SEL1L3: variants seen among roughly 807,000 people sequenced by gnomAD.
The protein encoded by SEL1L3 is SEL1L family member 3.
In SEL1L3, 76 loss-of-function variants were observed where a neutral mutation model predicts 142.8. The observed-to-expected ratio is 0.53, with a 90% CI of 0.44 to 0.64. The LOEUF is 0.64. SEL1L3 is among the 30% of genes least tolerant of loss of function. The pLI, the probability that SEL1L3 is intolerant of heterozygous loss-of-function variation, is 0.00. For missense variants in SEL1L3, 1,262 were observed against 1,381.7 expected (o/e 0.91, Z 1.37); for synonymous variants, 504 against 519.6 (o/e 0.97, Z 0.41).
chr4:25,782,566 A>C, intron 14 of SEL1L3, 148 bp from the exon 15 acceptor site: 1 of 701,740 alleles, frequency 1.4e-6, no homozygotes, highest in South Asian at 2.0e-5. Flanking sequence ...AAGAAAAGCT[A>C]AGTGCTAGAA....
chr4:25,761,329 T>C (rs1360532650), intron 20 of SEL1L3, among the ~76,000 whole-genome samples: 1 of 152,164 alleles, frequency 6.6e-6, no homozygotes, highest in Non-Finnish European at 1.5e-5. Flanking sequence ...CTAATTTTTG[T>C]ATTTTCAGTA....
intron 6 of SEL1L3, among the ~76,000 whole-genome samples, chr4:25,823,879 G>T (rs954005394): frequency 6.6e-6 from 1 of 152,142 alleles, no homozygotes; most frequent in African/African-American, 2.4e-5. Flanking sequence ...ACGAGGGATG[G>T]ACTGTCTGTT....
At position 25,788,830 on chromosome 4, in the gene SEL1L3, G is replaced by A. The variant is rs1712060484; in HGVS notation, c.2077-466C>T. On this transcript the variant is annotated intron_variant, in intron 12 of 23. Transcript: ENST00000399878. This position sits in a 1 kb window ranked among gnomAD's most constrained non-coding sequence, Gnocchi z 5.3. ...CATGGCTGGCTCCAACATCAGACTG[G>A]AGGCTGGAAGCTCTTGGGAGGGAGG... Among the ~76,000 whole-genome samples the A allele has an allele frequency of 6.6e-6, 1 of 152,086 alleles. No individual in the cohort carries two copies. The highest frequency in any genetic ancestry group is 1.5e-5 in the Non-Finnish European group (1 of 68,024).
the SEL1L3 span, chr4:25,719,953 T>C: frequency 6.6e-6 from 1 of 152,200 alleles, no homozygotes; most frequent in Non-Finnish European, 1.5e-5. Flanking sequence ...ATAGGGATAT[T>C]AGGTGTGATT....
intron 13 of SEL1L3, among the ~76,000 whole-genome samples, chr4:25,786,189 T>C (rs552176876): frequency 2.0e-5 from 3 of 152,132 alleles, no homozygotes; most frequent in Non-Finnish European, 4.4e-5. Context: ...ACAGCTGCCA[T>C]CTTGGTACCA....
intron 14 of SEL1L3, among the ~76,000 whole-genome samples, chr4:25,783,779 TTAA>T (rs1711584705): frequency 6.6e-6 from 1 of 152,108 alleles, no homozygotes; most frequent in Admixed American, 6.5e-5. Context: ...AGCAATAAAC[TTAA>T]TAAACAGCCC....
At chr4:25,843,320 G>A (rs1716291292) in intron 2 of SEL1L3, among the ~76,000 whole-genome samples, 1 of 152,162 alleles carries the variant, frequency 6.6e-6, no homozygotes, top group Non-Finnish European at 1.5e-5. Context: ...GTGGCCACTT[G>A]CAGGCAGTGC....
intron 19 of SEL1L3, 49 bp from the exon 20 acceptor site, chr4:25,765,484 C>A: frequency 4.9e-6 from 6 of 1,222,116 alleles, no homozygotes; most frequent in Non-Finnish European, 7.3e-6. Context: ...TTTTTTTATA[C>A]CAACATTTTA....
At chr4:25,784,149 C>A in intron 14 of SEL1L3, 79 bp downstream of exon 14, 2 of 1,220,558 alleles carry the variant, frequency 1.6e-6, no homozygotes, top group Non-Finnish European at 2.4e-6. Flanking sequence ...AGAGGCTGGC[C>A]ATTTCCTCTT....
intron 6 of SEL1L3, among the ~76,000 whole-genome samples, chr4:25,825,510 C>T (rs142086992): frequency 9.2e-5 from 14 of 152,144 alleles, no homozygotes; most frequent in Admixed American, 3.3e-4. Flanking sequence ...AAAGAATCAC[C>T]GACGTTGTGA....
chr4:25,715,065 T>C, the SEL1L3 span, among the ~76,000 whole-genome samples: 2 of 152,244 alleles, frequency 1.3e-5, no homozygotes, highest in East Asian at 3.9e-4. Flanking sequence ...AGAAAGAACA[T>C]TTTCAAATCA....
chr4:25,761,231 G>A (rs1718354265), intron 20 of SEL1L3, among the ~76,000 whole-genome samples: 1 of 149,440 alleles, frequency 6.7e-6, no homozygotes, highest in South Asian at 2.1e-4. Context: ...TCTCGGCTCA[G>A]TGCATCGTCC....
chr4:25,776,109 A>G (rs1011270547), intron 17 of SEL1L3, among the ~76,000 whole-genome samples, 168 bp downstream of exon 17: 1 of 152,172 alleles, frequency 6.6e-6, no homozygotes, highest in Admixed American at 6.5e-5. Context: ...TGGAAATGCT[A>G]TGTTTTCCAA....
At chr4:25,856,593 T>TAAAAAAAA (rs397765802) in intron 1 of SEL1L3, among the ~76,000 whole-genome samples, 3 of 117,120 alleles carry the variant, frequency 2.6e-5, no homozygotes, top group Non-Finnish European at 3.8e-5. Context: ...GTATTGTAAT[T>TAAAAAAAA]AAAAAAAAAA....
In SEL1L3 at chr4:25,776,349, T is replaced by G. The variant is rs374434018; in HGVS notation, c.2597A>C (p.His866Pro). ...DPEKAVVWAK[H>P]VAEKNGYLGH... ...CAAGTAGCCATTTTTCTCAGCTACA[T>G]GTTTTGCCCATCTGAAAAAAAAAAG... Residue 866 changes from histidine (H) to proline (P), a missense_variant, in exon 17 of 24, where the codon CAT (histidine) becomes CCT (proline). This residue lies in a region of SEL1L3 where 435 missense variants were observed against 559.2 expected (regional missense o/e 0.78). Coordinates refer to ENST00000399878, the MANE Select transcript of SEL1L3 (RefSeq NM_015187.5). The G allele has an allele frequency of 6.2e-7, 1 of 1,611,854 alleles. No individual in the cohort carries two copies. The highest frequency in any genetic ancestry group is 1.3e-5 in the African/African-American group (1 of 74,768).
chr4:25,756,865 C>T, intron 23 of SEL1L3: 1 of 1,283,276 alleles, frequency 7.8e-7, no homozygotes, highest in Non-Finnish European at 1.0e-6. Flanking sequence ...TTCATGCTGC[C>T]AGGAGCTTTG....
intron 23 of SEL1L3, among the ~76,000 whole-genome samples, chr4:25,753,047 C>A (rs2109112516): frequency 6.6e-6 from 1 of 152,336 alleles, no homozygotes; most frequent in Admixed American, 6.5e-5. Flanking sequence ...CCTTCCTTTG[C>A]CCAAGGTCAC....
intron 13 of SEL1L3, among the ~76,000 whole-genome samples, chr4:25,787,020 G>T (rs1182782860): frequency 6.6e-6 from 1 of 152,166 alleles, no homozygotes; most frequent in Admixed American, 6.5e-5. Flanking sequence ...ATAAGTCCAC[G>T]AATTTCCTTA....
chr4:25,729,115 C>T, the SEL1L3 span, among the ~76,000 whole-genome samples: 1 of 152,128 alleles, frequency 6.6e-6, no homozygotes, highest in Non-Finnish European at 1.5e-5. Context: ...TTCAATTAAC[C>T]TCTTGATGCC....
Sources: gnomAD v4.1 joint callset for allele counts (sites outside exome capture counted in the v4.1 genomes callset) on GRCh38, gnomAD v4.1.1 for gene constraint, gnomAD v4.1.1 regional missense constraint, Gnocchi (gnomAD v3.1) non-coding constraint, MANE v1.5 for transcripts, NCBI Gene and HGNC (gene_info 2026-07-23, HGNC 2026-07-21) for gene names.